The following SHISA9 variants were observed in gnomAD, a reference collection of about 807,000 sequenced individuals.
SHISA9 encodes shisa family member 9.
Under a neutral mutation model 38.0 loss-of-function variants are expected in SHISA9, and 13 were observed. That is an observed-to-expected ratio of 0.34 (90% CI 0.22 to 0.54). SHISA9 has a LOEUF of 0.54. Ranked by LOEUF, SHISA9 falls within the 20% of genes least tolerant of loss-of-function variation. The pLI is 0.91. For synonymous variants in SHISA9, 275 were observed against 242.0 expected (o/e 1.14, Z -1.27); for missense variants, 538 against 575.8 (o/e 0.93, Z 0.67).
At chr16:13,489,421 T>C in the SHISA9 span, among the ~76,000 whole-genome samples, 3 of 152,196 alleles carry the variant, frequency 2.0e-5, no homozygotes, top group Non-Finnish European at 4.4e-5. Flanking sequence ...ATATTTTTTT[T>C]CTCACTTGAT....
At chr16:13,473,854 A>G in the SHISA9 span, among the ~76,000 whole-genome samples, 1,422 of 152,162 alleles carry the variant, frequency 9.3e-3, 19 homozygotes, top group African/African-American at 0.033. Context: ...CTGATTTTTT[A>G]CTGTTTGGAA....
chr16:13,024,142 G>T (rs556068843), intron 2 of SHISA9, among the ~76,000 whole-genome samples: 1 of 152,354 alleles, frequency 6.6e-6, no homozygotes, highest in African/African-American at 2.4e-5. Context: ...GAGAAGTTCA[G>T]AGAAGGTATA....
At chr16:13,191,701 T>C (rs1212558374) in intron 2 of SHISA9, among the ~76,000 whole-genome samples, 1 of 152,194 alleles carries the variant, frequency 6.6e-6, no homozygotes, top group African/African-American at 2.4e-5. Flanking sequence ...TATGTTGTCC[T>C]GGATCGTGCT....
At chr16:12,987,696 C>A (rs574502649) in intron 2 of SHISA9, among the ~76,000 whole-genome samples, 1 of 152,098 alleles carries the variant, frequency 6.6e-6, no homozygotes, top group African/African-American at 2.4e-5. Flanking sequence ...ACACGTTTAC[C>A]TATAAAACAA....
rs532811823 is a variant in SHISA9, at chr16:13,152,773, A to G, written c.692-50621A>G. On this transcript the variant is annotated intron_variant, in intron 2 of 4. Coordinates refer to ENST00000558583, the MANE Select transcript of SHISA9 (RefSeq NM_001145204.3). ...GAAGGAAGAATAGATATTGTGGTAG[A>G]CAGAATAATGGGCCCCCAAAGAGGT... Among the ~76,000 whole-genome samples the G allele has an allele frequency of 5.3e-4, 80 of 152,330 alleles. 1 individual carries two copies. In the Middle Eastern group the frequency reaches 0.01, roughly 19 times the overall value.
intron 2 of SHISA9, among the ~76,000 whole-genome samples, chr16:13,088,554 G>C (rs542425718): frequency 6.6e-6 from 1 of 152,200 alleles, no homozygotes; most frequent in African/African-American, 2.4e-5. Context: ...GGATTCCTAG[G>C]TATTTTATTC....
intron 2 of SHISA9, among the ~76,000 whole-genome samples, chr16:13,132,537 T>G (rs1378173242): frequency 6.6e-6 from 1 of 152,088 alleles, no homozygotes; most frequent in Non-Finnish European, 1.5e-5. Context: ...CTCCCTAGAT[T>G]TGGTGGCATC....
At chr16:13,414,245 C>T in the SHISA9 span, among the ~76,000 whole-genome samples, 17 of 152,144 alleles carry the variant, frequency 1.1e-4, no homozygotes, top group Non-Finnish European at 2.4e-4. Context: ...TGCCACCCCT[C>T]TGTGTTGTAA....
At chr16:12,907,849 A>C (rs1201792491) in intron 1 of SHISA9, among the ~76,000 whole-genome samples, 2 of 152,162 alleles carry the variant, frequency 1.3e-5, no homozygotes, top group African/African-American at 4.8e-5. Context: ...GTTGCCACTA[A>C]GTGATGACTG....
intron 2 of SHISA9, among the ~76,000 whole-genome samples, chr16:12,989,439 C>T (rs1048186142): frequency 2.6e-5 from 4 of 152,108 alleles, no homozygotes; most frequent in African/African-American, 9.6e-5. Context: ...CAGCCTCCCC[C>T]GGGTGTTGGG....
intron 2 of SHISA9, among the ~76,000 whole-genome samples, chr16:13,014,871 T>C (rs758309333): frequency 6.6e-6 from 1 of 152,268 alleles, no homozygotes; most frequent in Non-Finnish European, 1.5e-5. Flanking sequence ...TCCATTGCCA[T>C]ATTCCTTTTC....
At chr16:13,448,127 G>T in the SHISA9 span, among the ~76,000 whole-genome samples, 7 of 152,196 alleles carry the variant, frequency 4.6e-5, no homozygotes, top group Non-Finnish European at 1.0e-4. Flanking sequence ...CGGACTTACT[G>T]CTTTGAGCCT....
chr16:13,459,023 T>C, the SHISA9 span, among the ~76,000 whole-genome samples: 2 of 152,030 alleles, frequency 1.3e-5, no homozygotes, highest in Non-Finnish European at 2.9e-5. Flanking sequence ...TGGCTAATTT[T>C]TGTAATTTTA....
At chr16:12,911,287 C>T (rs2071179835) in intron 1 of SHISA9, 2 of 985,288 alleles carry the variant, frequency 2.0e-6, no homozygotes, top group Non-Finnish European at 2.4e-6. Context: ...AAACTATGTG[C>T]CGCAAACAAA....
the SHISA9 span, among the ~76,000 whole-genome samples, chr16:13,524,461 T>G: frequency 6.6e-6 from 1 of 152,212 alleles, no homozygotes; most frequent in African/African-American, 2.4e-5. Context: ...TTCAGCCTCT[T>G]GAAGATAGCT....
At chr16:13,226,402 G>T (rs2051279898) in intron 4 of SHISA9, among the ~76,000 whole-genome samples, 1 of 152,292 alleles carries the variant, frequency 6.6e-6, no homozygotes, top group East Asian at 1.9e-4. Context: ...GTGGGAGAAT[G>T]GTTAGTTAAA....
chr16:13,167,042 C>A (rs2050642542), intron 2 of SHISA9, among the ~76,000 whole-genome samples: 1 of 147,284 alleles, frequency 6.8e-6, no homozygotes, highest in East Asian at 2.0e-4. Context: ...TCTTACTTTA[C>A]TCTACTTCTT....
intron 3 of SHISA9, among the ~76,000 whole-genome samples, 199 bp downstream of exon 3, chr16:13,203,748 T>C (rs1465939463): frequency 6.6e-6 from 1 of 152,168 alleles, no homozygotes; most frequent in Non-Finnish European, 1.5e-5. Flanking sequence ...TATCTATCTA[T>C]GTCTGTCTAT....
chr16:13,371,845 C>A, the SHISA9 span, among the ~76,000 whole-genome samples: 1 of 152,220 alleles, frequency 6.6e-6, no homozygotes. Flanking sequence ...TCAGGTGCCC[C>A]TACTTTTCAC....
Sources: allele counts gnomAD v4.1 joint callset (sites outside exome capture counted in the v4.1 genomes callset), GRCh38; gene constraint gnomAD v4.1.1; transcripts MANE v1.5; gene names NCBI Gene and HGNC (gene_info 2026-07-23, HGNC 2026-07-21).